The following MGAT5B variants were observed in gnomAD, a reference collection of about 807,000 sequenced individuals.
MGAT5B encodes N-acetylglucosaminyl-transferase Vb.
A neutral mutation model predicts 95.1 loss-of-function variants in MGAT5B; 54 were observed. The observed-to-expected ratio is 0.57, with a 90% CI of 0.46 to 0.71. The LOEUF is 0.71. Among genes scored for constraint, MGAT5B ranks in the 30% least tolerant of loss-of-function variants. The probability of loss-of-function intolerance (pLI) is 0.00; values close to 1 mark genes in which losing one functional copy is unlikely to be tolerated. For missense variants in MGAT5B, 935 were observed against 1,088.6 expected (o/e 0.86, Z 1.99); for synonymous variants, 464 against 451.0 (o/e 1.03, Z -0.36).
At position 76,869,216 on chromosome 17, in the gene MGAT5B, C is replaced by G. The variant is rs984517821; in HGVS notation, c.68+119C>G. 2 of 845,914 alleles carry G rather than the reference C, an allele frequency of 2.4e-6. No individual in the cohort carries two copies. The highest frequency in any genetic ancestry group is 2.6e-5 in the East Asian group (1 of 38,266). The allele number at this position is 845,914 out of a possible 1,614,324, so 52.4% of individuals were successfully genotyped here. A position where few individuals can be genotyped will look rare whatever the true frequency, so the allele number is the denominator to read the frequency against. ...GAGGGGGCGGTTCACACTTCAACCCCTGGTGATGACCAGTGGGGCTGGGCT... is the reference window on the plus strand; with the variant it reads ...GAGGGGGCGGTTCACACTTCAACCCGTGGTGATGACCAGTGGGGCTGGGCT... On this transcript the variant is annotated intron_variant, in intron 1 of 17. Coordinates refer to ENST00000569840, the MANE Select transcript of MGAT5B (RefSeq NM_001199172.2). The surrounding 1 kb of genome is among the most constrained non-coding windows in gnomAD (Gnocchi z 7.0).
intron 2 of MGAT5B, among the ~76,000 whole-genome samples, chr17:76,874,098 A>G (rs766740544): frequency 1.9e-4 from 29 of 152,300 alleles, no homozygotes; most frequent in Non-Finnish European, 3.7e-4. Flanking sequence ...CTTATTAGTC[A>G]TTCAAGCCTG....
intron 8 of MGAT5B, among the ~76,000 whole-genome samples, chr17:76,919,376 G>C (rs1404931895): frequency 2.0e-5 from 3 of 152,226 alleles, no homozygotes; most frequent in Non-Finnish European, 4.4e-5. Context: ...CTGGGAGGCA[G>C]AGTGCTTGGC....
At chr17:76,926,859 C>A in intron 10 of MGAT5B, 129 bp downstream of exon 10, 1 of 1,145,612 alleles carries the variant, frequency 8.7e-7, no homozygotes, top group Non-Finnish European at 1.3e-6. Context: ...TGGTGGGACC[C>A]AGCAAGCATC....
At position 76,948,943 on chromosome 17, in the gene MGAT5B, C is replaced by T. The variant is rs1970122489; in HGVS notation, c.*105C>T. The T allele has an allele frequency of 7.1e-6, 9 of 1,269,318 alleles. No individual in the cohort carries two copies. In the South Asian group the frequency reaches 1.2e-4, roughly 17 times the overall value. 78.6% of individuals were successfully genotyped at this position (1,269,318 alleles called of 1,614,324 possible). ...TGGCTGCTTGTCCTCCTCGCAACCC[C>T]CCCAGGCCGGAGCTTCCTTCCTTAG... is the stretch of plus-strand genomic sequence containing the variant. On this transcript the variant is annotated 3_prime_UTR_variant, in exon 18 of 18. Coordinates refer to ENST00000569840, the MANE Select transcript of MGAT5B (RefSeq NM_001199172.2).
chr17:76,879,064 A>G (rs553305), intron 2 of MGAT5B, among the ~76,000 whole-genome samples: 86,557 of 152,110 alleles, frequency 0.57, 28,309 homozygotes, highest in East Asian at 1. Context: ...GTTGACTTTC[A>G]GGGGCCTCTG....
chr17:76,898,231 C>CT (rs1445306644), intron 3 of MGAT5B, among the ~76,000 whole-genome samples: 1 of 152,114 alleles, frequency 6.6e-6, no homozygotes, highest in Non-Finnish European at 1.5e-5. Flanking sequence ...GGAAGTCATT[C>CT]TTAGCCCCTA....
intron 3 of MGAT5B, among the ~76,000 whole-genome samples, chr17:76,884,898 G>A (rs562961579): frequency 3.9e-5 from 6 of 152,124 alleles, no homozygotes; most frequent in South Asian, 4.2e-4. Flanking sequence ...CACTGCGCCC[G>A]GCCTAAGTTT....
chr17:76,900,277 C>T (rs8065442), intron 3 of MGAT5B, among the ~76,000 whole-genome samples: 57,894 of 152,090 alleles, frequency 0.38, 11,794 homozygotes, highest in East Asian at 0.85. Flanking sequence ...GTAGCTTTTA[C>T]GTCTCTTCTC....
chr17:76,925,039 G>T lies in MGAT5B; in HGVS notation c.1099G>T (p.Asp367Tyr), dbSNP rs779652167. 1.2e-6 allele frequency: 2 copies of T among 1,611,482 alleles called. No individual in the cohort carries two copies. The highest frequency in any genetic ancestry group is 1.7e-6 in the Non-Finnish European group (2 of 1,179,356). Residue 367 changes from aspartate (D) to tyrosine (Y), a missense_variant, in exon 9 of 18, where the codon GAC becomes TAC. By Grantham distance (160) the Asp-to-Tyr change is radical. This residue lies in a region of MGAT5B where 243 missense variants were observed against 305.5 expected (regional missense o/e 0.80). Coordinates refer to ENST00000569840, the MANE Select transcript of MGAT5B (RefSeq NM_001199172.2). ...CCTGCCCTTCGACCTCATCTACACCGACTACCACGGCCTGCAGCAGATGAA... is the reference window on the plus strand; with the variant it reads ...CCTGCCCTTCGACCTCATCTACACCTACTACCACGGCCTGCAGCAGATGAA... ...MPLPFDLIYT[D>Y]YHGLQQMKRH...
At position 76,870,740 on chromosome 17, in the gene MGAT5B, G is replaced by A. The variant is rs928812574; in HGVS notation, c.68+1643G>A. Reference sequence around the variant, plus strand: ...CCGCAGCCATCAGTGAGTCCCTTCAGTTGAGGTGGGGGGCAGGCTGCAATC... The same window carrying A: ...CCGCAGCCATCAGTGAGTCCCTTCAATTGAGGTGGGGGGCAGGCTGCAATC... On this transcript the variant is annotated intron_variant, in intron 1 of 17. Coordinates refer to ENST00000569840, the MANE Select transcript of MGAT5B (RefSeq NM_001199172.2). This position sits in a 1 kb window ranked among gnomAD's most constrained non-coding sequence, Gnocchi z 5.0. Among the ~76,000 whole-genome samples, 2 of 152,102 alleles carry A rather than the reference G, an allele frequency of 1.3e-5. No homozygotes were observed. Among genetic ancestry groups the A allele is most frequent in the Admixed American group, 6.5e-5 (1 of 15,280 alleles).
At position 76,905,239 on chromosome 17, in the gene MGAT5B, T is replaced by C; in HGVS notation, c.761T>C (p.Met254Thr). 1.2e-6 allele frequency: 2 copies of C among 1,613,572 alleles called. No homozygotes were observed. The highest frequency in any genetic ancestry group is 1.7e-6 in the Non-Finnish European group (2 of 1,179,766). The change falls in exon 7 of 18, where the codon ATG (methionine) becomes ACG (threonine). Residue 254 changes from methionine to threonine, a missense_variant. Physicochemically the swap from Met to Thr is moderately conservative, Grantham distance 81 (BLOSUM62 -1). This residue lies in a region of MGAT5B where 243 missense variants were observed against 305.5 expected (regional missense o/e 0.80). Transcript: ENST00000569840. The surrounding 1 kb of genome is among the most constrained non-coding windows in gnomAD (Gnocchi z 4.2). ...MGSGKESLIFMKKRTKRLTAQ... is the reference protein window; with the variant it reads ...MGSGKESLIFTKKRTKRLTAQ... ...AGCGGGAAGGAGTCCCTGATCTTCA[T>C]GAAGAAGCGGACCAAGAGGCTCACA...
At chr17:76,909,258 C>A (rs560097135) in intron 8 of MGAT5B, among the ~76,000 whole-genome samples, 19 of 152,324 alleles carry the variant, frequency 1.2e-4, no homozygotes, top group African/African-American at 4.6e-4. Context: ...GCCATGTGCC[C>A]GGCCTACTCT....
In MGAT5B at chr17:76,870,497, C is replaced by A. The variant is rs557474484; in HGVS notation, c.68+1400C>A. ...CGCCCCTTCCGACCCCATCCCTGTC[C>A]CGCCCTCCGGGCCGCTGGGTGTTTC... On this transcript the variant is annotated intron_variant, in intron 1 of 17. Transcript: ENST00000569840. This position sits in a 1 kb window ranked among gnomAD's most constrained non-coding sequence, Gnocchi z 5.0. Among the ~76,000 whole-genome samples the A allele has an allele frequency of 6.6e-6, 1 of 152,198 alleles. No individual in the cohort carries two copies.
intron 2 of MGAT5B, among the ~76,000 whole-genome samples, chr17:76,877,282 G>A (rs1331485636): frequency 2.7e-5 from 4 of 147,668 alleles, no homozygotes; most frequent in Non-Finnish European, 3.0e-5. Flanking sequence ...CTGAGATTGC[G>A]CCACTGCACT....
chr17:76,915,384 T>G lies in MGAT5B; in HGVS notation c.1025+9197T>G, dbSNP rs893803805. Among the ~76,000 whole-genome samples the G allele has an allele frequency of 6.6e-6, 1 of 152,026 alleles. No individual in the cohort carries two copies. Among genetic ancestry groups the G allele is most frequent in the Non-Finnish European group, 1.5e-5 (1 of 68,012 alleles). ...GGGCACTCCTCTCTGACGGTTTCTA[T>G]TTTATCTTCGATGCCGGAGGGGAGA... On this transcript the variant is annotated intron_variant, in intron 8 of 17. Coordinates refer to ENST00000569840, the MANE Select transcript of MGAT5B (RefSeq NM_001199172.2). The surrounding 1 kb of genome is among the most constrained non-coding windows in gnomAD (Gnocchi z 8.7).
intron 3 of MGAT5B, among the ~76,000 whole-genome samples, chr17:76,896,679 G>T (rs1463802674): frequency 6.6e-6 from 1 of 152,232 alleles, no homozygotes; most frequent in Non-Finnish European, 1.5e-5. Context: ...ACACAAATGT[G>T]AAGTGCAGCC....
intron 1 of MGAT5B, 89 bp from the exon 2 acceptor site, chr17:76,872,762 G>T: frequency 1.2e-6 from 2 of 1,609,354 alleles, no homozygotes; most frequent in South Asian, 2.2e-5. Context: ...GCACTCATTC[G>T]TAAAACATTT....
At chr17:76,939,362 A>C (rs1191905570) in intron 13 of MGAT5B, among the ~76,000 whole-genome samples, 5 of 151,758 alleles carry the variant, frequency 3.3e-5, no homozygotes, top group Non-Finnish European at 7.4e-5. Flanking sequence ...AACAAACAAA[A>C]AATCAGCTGG....
chr17:76,909,447 A>G (rs1255991434), intron 8 of MGAT5B, among the ~76,000 whole-genome samples: 2 of 152,188 alleles, frequency 1.3e-5, no homozygotes, highest in African/African-American at 4.8e-5. Context: ...ACTTCTACAC[A>G]GGTGGTTTCC....
Sources: gnomAD v4.1 joint callset for allele counts (sites outside exome capture counted in the v4.1 genomes callset) on GRCh38, gnomAD v4.1.1 for gene constraint, gnomAD v4.1.1 regional missense constraint, Gnocchi (gnomAD v3.1) non-coding constraint, MANE v1.5 for transcripts, NCBI Gene and HGNC (gene_info 2026-07-23, HGNC 2026-07-21) for gene names.